CYP19A1: variants seen among roughly 807,000 people sequenced by gnomAD.
CYP19A1 encodes the protein cytochrome P450 family 19 subfamily A member 1, also known as aromatase.
In CYP19A1, 32 loss-of-function variants were observed where a neutral mutation model predicts 44.4. The ratio of observed to expected loss-of-function variants is 0.72; its 90% CI spans 0.54 to 0.97. CYP19A1 has a LOEUF of 0.97. CYP19A1 is among the 50% of genes least tolerant of loss of function. The pLI, the probability that CYP19A1 is intolerant of heterozygous loss-of-function variation, is 0.00. For synonymous variants in CYP19A1, 212 were observed against 215.6 expected, an observed-to-expected ratio of 0.98 and a Z score of 0.14; for missense variants, 598 against 637.8, an observed-to-expected ratio of 0.94 and a Z score of 0.67.
At position 51,293,884 on chromosome 15, in the gene CYP19A1, A is replaced by G. The variant is rs925982998; in HGVS notation, c.-39+44611T>C. ...CTCAATGGTGCCCAGGCTGGGGTGC[A>G]GTGGCGTAATCTCGGCTGGCTACAA... On this transcript the variant is annotated intron_variant, in intron 1 of 9. Coordinates refer to ENST00000396402, the MANE Select transcript of CYP19A1 (RefSeq NM_000103.4). 13 of 207,112 alleles carry G rather than the reference A, an allele frequency of 6.3e-5. No individual in the cohort carries two copies. In the East Asian group the frequency reaches 2.2e-3, roughly 34 times the overall value. The allele number at this position is 207,112 out of a possible 1,614,324, so 12.8% of individuals were successfully genotyped here. A position where few individuals can be genotyped will look rare whatever the true frequency, so the allele number is the denominator to read the frequency against.
At chr15:51,273,244 C>T (rs951745084) in intron 1 of CYP19A1, among the ~76,000 whole-genome samples, 10 of 152,086 alleles carry the variant, frequency 6.6e-5, no homozygotes, top group African/African-American at 2.2e-4. Context: ...CCACCACACC[C>T]GACCCCCTTC....
At chr15:51,274,876 C>T (rs1011534256) in intron 1 of CYP19A1, among the ~76,000 whole-genome samples, 2 of 152,108 alleles carry the variant, frequency 1.3e-5, no homozygotes, top group Non-Finnish European at 1.5e-5. Flanking sequence ...CACCATAAGC[C>T]AGAGGGGACA....
Position 51,294,125 on chromosome 15 carries a change from C to A in CYP19A1, c.-39+44370G>T, listed in dbSNP as rs1444986103. Among the ~76,000 whole-genome samples the A allele has an allele frequency of 2.2e-5, 3 of 133,468 alleles. 1 individual carries two copies. The East Asian group carries it at 6.7e-4, about 30-fold the overall frequency. 87.6% of individuals were successfully genotyped at this position (133,468 alleles called of 152,430 possible). ...CTAGGAAGTGAGGAGCGTCTCTGCC[C>A]GGCTGCCCATCGTCTGGGATGTGAG... On this transcript the variant is annotated intron_variant, in intron 1 of 9. Coordinates refer to ENST00000396402, the MANE Select transcript of CYP19A1 (RefSeq NM_000103.4).
rs1049343749 is a variant in CYP19A1, at chr15:51,242,971, G to T, written c.-38-21C>A. On this transcript the variant is annotated intron_variant, in intron 1 of 9. Coordinates refer to ENST00000396402, the MANE Select transcript of CYP19A1 (RefSeq NM_000103.4). ...GAGTCCTGTGGAAATCAAAGGGACA[G>T]AAAAATTACAGAATCCCCTAAAAGG... 22 of 1,243,064 alleles carry T rather than the reference G, an allele frequency of 1.8e-5. No individual in the cohort carries two copies. In the African/African-American group the frequency reaches 2.8e-4, roughly 16 times the overall value. 77.0% of individuals were successfully genotyped at this position (1,243,064 alleles called of 1,614,324 possible).
At chr15:51,282,709 G>A (rs944897425) in intron 1 of CYP19A1, among the ~76,000 whole-genome samples, 2 of 152,222 alleles carry the variant, frequency 1.3e-5, no homozygotes, top group African/African-American at 4.8e-5. Context: ...CCCAACGTGG[G>A]GCGACAAAGG....
chr15:51,328,691 G>T (rs1469167037), intron 1 of CYP19A1, among the ~76,000 whole-genome samples: 1 of 151,982 alleles, frequency 6.6e-6, no homozygotes, highest in South Asian at 2.1e-4. Context: ...AACTTGACTG[G>T]GTCATAGGGT....
chr15:51,264,616 C>A (rs1184078723), intron 1 of CYP19A1, among the ~76,000 whole-genome samples: 1 of 152,096 alleles, frequency 6.6e-6, no homozygotes, highest in African/African-American at 2.4e-5. Context: ...AAAATGGAGT[C>A]TTCAGGGGCC....
At chr15:51,335,042 C>T (rs2036755516) in intron 1 of CYP19A1, among the ~76,000 whole-genome samples, 1 of 152,194 alleles carries the variant, frequency 6.6e-6, no homozygotes, top group Non-Finnish European at 1.5e-5. Context: ...TCCTGCTTCT[C>T]CTTCTTTCCT....
intron 1 of CYP19A1, among the ~76,000 whole-genome samples, chr15:51,331,981 A>G (rs956874879): frequency 6.6e-6 from 1 of 152,042 alleles, no homozygotes; most frequent in African/African-American, 2.4e-5. Flanking sequence ...AAGAAAGCAT[A>G]TAACTGTCTG....
intron 1 of CYP19A1, among the ~76,000 whole-genome samples, chr15:51,245,285 G>A (rs1002895458): frequency 3.3e-5 from 5 of 152,278 alleles, no homozygotes; most frequent in Non-Finnish European, 5.9e-5. Flanking sequence ...AAAGATCCCC[G>A]ACAAGAGCAT....
chr15:51,292,657 G>A (rs923657678), intron 1 of CYP19A1, among the ~76,000 whole-genome samples: 14 of 152,144 alleles, frequency 9.2e-5, no homozygotes, highest in Non-Finnish European at 1.9e-4. Context: ...GGGGGCCAAG[G>A]GAGCTGAAAT....
Position 51,215,728 on chromosome 15 carries a change from A to G in CYP19A1, c.833T>C (p.Phe278Ser). 6.2e-7 allele frequency: 1 copy of G among 1,614,042 alleles called. No individual in the cohort carries two copies. Among genetic ancestry groups the G allele is most frequent in the Non-Finnish European group, 8.5e-7 (1 of 1,179,960 alleles). The part of the protein sequence containing the change: ...TEEKLEECMD[F>S]ATELILAEKR... ...CTCTGCTAAAATCAACTCAGTGGCA[A>G]AGTCCATACATTCTTCCAGTTTCTC... Residue 278 changes from phenylalanine (F) to serine (S), a missense_variant, in exon 7 of 10, where the codon TTT becomes TCT. Transcript: ENST00000396402.
intron 1 of CYP19A1, among the ~76,000 whole-genome samples, chr15:51,245,730 A>G (rs2034023687): frequency 6.6e-6 from 1 of 152,278 alleles, no homozygotes; most frequent in Non-Finnish European, 1.5e-5. Flanking sequence ...AACATGTGCT[A>G]TGTGTCAGAT....
At chr15:51,258,688 G>A (rs1408242364) in intron 1 of CYP19A1, among the ~76,000 whole-genome samples, 4 of 152,170 alleles carry the variant, frequency 2.6e-5, no homozygotes, top group East Asian at 3.9e-4. Flanking sequence ...CAACCCCTGC[G>A]CCAGTCTCTG....
intron 1 of CYP19A1, among the ~76,000 whole-genome samples, chr15:51,268,759 C>T (rs2035021665): frequency 6.6e-6 from 1 of 152,094 alleles, no homozygotes; most frequent in South Asian, 2.1e-4. Context: ...GAATTTTAGC[C>T]ATTCTAGAGG....
intron 6 of CYP19A1, among the ~76,000 whole-genome samples, chr15:51,216,649 T>A (rs746324648): frequency 4.6e-5 from 7 of 152,246 alleles, no homozygotes; most frequent in Non-Finnish European, 8.8e-5. Context: ...TCATTCTTGA[T>A]ATTTATTCTC....
intron 2 of CYP19A1, among the ~76,000 whole-genome samples, chr15:51,241,599 C>A (rs2033772012): frequency 6.6e-6 from 1 of 152,070 alleles, no homozygotes; most frequent in African/African-American, 2.4e-5. Flanking sequence ...CCTAGAAGCC[C>A]CCTTGGGAGA....
intron 1 of CYP19A1, among the ~76,000 whole-genome samples, chr15:51,325,984 G>C (rs1490314841): frequency 1.3e-5 from 2 of 151,812 alleles, no homozygotes; most frequent in Non-Finnish European, 2.9e-5. Flanking sequence ...TTATAATAAA[G>C]TGTTGAATAG....
chr15:51,328,653 C>T (rs182232093), intron 1 of CYP19A1, among the ~76,000 whole-genome samples: 4 of 152,168 alleles, frequency 2.6e-5, no homozygotes, highest in Admixed American at 2.0e-4. Context: ...CCCCCTATTG[C>T]TCCCTGTGAT....
Sources: gnomAD v4.1 joint callset for allele counts (sites outside exome capture counted in the v4.1 genomes callset) on GRCh38, gnomAD v4.1.1 for gene constraint, MANE v1.5 for transcripts, NCBI Gene and HGNC (gene_info 2026-07-23, HGNC 2026-07-21) for gene names.